The following IQSEC1 variants were observed in gnomAD, a reference collection of about 807,000 sequenced individuals.
IQSEC1 encodes the protein IQ motif and Sec7 domain ArfGEF 1.
IQSEC1 carries 31 observed loss-of-function variants against 91.0 expected under a neutral mutation model. The observed-to-expected ratio is 0.34, with a 90% CI of 0.26 to 0.46. IQSEC1 has a LOEUF of 0.46. Among genes scored for constraint, IQSEC1 ranks in the 20% least tolerant of loss-of-function variants. The pLI is 1.00. For missense variants in IQSEC1, 1,388 were observed against 1,575.6 expected (o/e 0.88, Z 2.02); for synonymous variants, 699 against 662.6 (o/e 1.05, Z -0.84).
At chr3:13,063,124 T>C (rs1705124926) in intron 1 of IQSEC1, among the ~76,000 whole-genome samples, 1 of 151,866 alleles carries the variant, frequency 6.6e-6, no homozygotes, top group Admixed American at 6.5e-5. Context: ...CTGGGCAGTC[T>C]AGTGGGCAAA....
rs79890597 is a variant in IQSEC1, at chr3:13,190,555, C to CA, written c.273-26423dup. Among the ~76,000 whole-genome samples, 628 of 142,662 alleles carry CA rather than the reference C, an allele frequency of 4.4e-3. 5 individuals are homozygous for CA. The highest frequency in any genetic ancestry group is 0.011 in the African/African-American group (428 of 37,820). The allele number at this position is 142,662 out of a possible 152,430, so 93.6% of individuals were successfully genotyped here. On this transcript the variant is annotated intron_variant, in intron 1 of 15. Transcript: ENST00000648114. ...TGGGTGACAGAGCAAGACCCTGTCT[C>CA]AAAAAAAAAAAACAGATAAAGTGTG...
chr3:13,075,932 G>A (rs896365874), upstream of IQSEC1, among the ~76,000 whole-genome samples: 2 of 152,190 alleles, frequency 1.3e-5, no homozygotes, highest in African/African-American at 2.4e-5. Flanking sequence ...CACCTGTGCA[G>A]GCTGAGCTTC....
intron 1 of IQSEC1, among the ~76,000 whole-genome samples, chr3:13,171,113 A>AC: frequency 7.9e-6 from 1 of 126,970 alleles, no homozygotes; most frequent in African/African-American, 3.6e-5. Context: ...AAAACAAAAA[A>AC]AACAAAAAAA....
intron 1 of IQSEC1, among the ~76,000 whole-genome samples, chr3:13,016,933 T>C (rs1042458708): frequency 6.6e-6 from 1 of 152,188 alleles, no homozygotes; most frequent in Non-Finnish European, 1.5e-5. Flanking sequence ...CCCGTCTCTA[T>C]AGATTTGCCT....
chr3:13,266,471 G>A (rs1553581478), intron 1 of IQSEC1, among the ~76,000 whole-genome samples: 1 of 152,208 alleles, frequency 6.6e-6, no homozygotes, highest in Non-Finnish European at 1.5e-5. Context: ...ACAGGCCCCT[G>A]AGGCCCAGAC....
rs558692111 is a variant in IQSEC1 at position 13,275,308 on chromosome 3, A to C, written c.272+7403T>G. On this transcript the variant is annotated intron_variant, in intron 1 of 15. Transcript: ENST00000648114. ...CTTTGTGGATCTCGCCTCATCCAAG[A>C]GGGAAAGCTGAACACTTCAAAATCA... is the stretch of plus-strand genomic sequence containing the variant. Among the ~76,000 whole-genome samples the C allele has an allele frequency of 2.0e-5, 3 of 152,200 alleles. No individual in the cohort carries two copies. The East Asian group carries it at 5.8e-4, about 29-fold the overall frequency.
At chr3:12,955,683 C>A (rs988752369) in intron 1 of IQSEC1, among the ~76,000 whole-genome samples, 4 of 152,246 alleles carry the variant, frequency 2.6e-5, no homozygotes, top group African/African-American at 9.6e-5. Flanking sequence ...GGACAGGCAG[C>A]CTTTAAAGAG....
At position 13,275,366 on chromosome 3, in the gene IQSEC1, G is replaced by A. The variant is rs147423446; in HGVS notation, c.272+7345C>T. On this transcript the variant is annotated intron_variant, in intron 1 of 15. Transcript: ENST00000648114. ...AGCTAGGCCCAGCTTGGAGGGCAGG[G>A]GCCAGTCTTGTCCACCAGCTCCCTA... 9.0e-3 allele frequency among the ~76,000 whole-genome samples: 1,376 copies of A among 152,218 alleles called. 8 individuals are homozygous for A. The highest frequency in any genetic ancestry group is 0.013 in the Non-Finnish European group (851 of 68,002).
intron 1 of IQSEC1, among the ~76,000 whole-genome samples, chr3:12,955,427 G>A (rs1310548818): frequency 6.6e-6 from 1 of 152,236 alleles, no homozygotes; most frequent in African/African-American, 2.4e-5. Context: ...TGGGCCGAGA[G>A]CCAGCTGGCA....
chr3:13,078,708 T>A (rs1705600789), intron 2 of IQSEC1, among the ~76,000 whole-genome samples: 2 of 152,122 alleles, frequency 1.3e-5, no homozygotes, highest in South Asian at 2.1e-4. Context: ...GCTGTTGCAG[T>A]TGTTTTAGAG....
Position 12,909,119 on chromosome 3 carries a change from C to T in IQSEC1, c.2578+154G>A, listed in dbSNP as rs1242768357. Among the ~76,000 whole-genome samples the T allele has an allele frequency of 6.6e-6, 1 of 152,166 alleles. No homozygotes were observed. Among genetic ancestry groups the T allele is most frequent in the Non-Finnish European group, 1.5e-5 (1 of 68,030 alleles). On this transcript the variant is annotated intron_variant, in intron 11 of 13. Transcript: ENST00000613206. This position sits in a 1 kb window ranked among gnomAD's most constrained non-coding sequence, Gnocchi z 4.9. ...CTCTGTGCCTCCTGCAGCCTGGGAA[C>T]ACAGACTGCCCCATCATGTGGCCAT...
chr3:13,188,208 T>C (rs1015702140), intron 1 of IQSEC1, among the ~76,000 whole-genome samples: 4 of 152,212 alleles, frequency 2.6e-5, no homozygotes, highest in African/African-American at 9.6e-5. Flanking sequence ...TCCTACCCCA[T>C]TCCTATTCTC....
At chr3:13,115,611 C>T (rs1003821206) in intron 2 of IQSEC1, among the ~76,000 whole-genome samples, 1 of 152,214 alleles carries the variant, frequency 6.6e-6, no homozygotes, top group African/African-American at 2.4e-5. Context: ...CAGAGTCACT[C>T]GAGAGGGGCA....
intron 1 of IQSEC1, among the ~76,000 whole-genome samples, chr3:13,067,341 C>T (rs1705269408): frequency 6.6e-6 from 1 of 152,218 alleles, no homozygotes; most frequent in Admixed American, 6.5e-5. Flanking sequence ...AGCAGCTTAG[C>T]CAGCACCCAG....
intron 1 of IQSEC1, among the ~76,000 whole-genome samples, chr3:13,199,400 G>A (rs1694195127): frequency 6.6e-6 from 1 of 152,208 alleles, no homozygotes; most frequent in Non-Finnish European, 1.5e-5. Flanking sequence ...GGCACCCCCT[G>A]GGACAGGGGC....
upstream of IQSEC1, among the ~76,000 whole-genome samples, chr3:13,078,294 G>A (rs1003083766): frequency 1.3e-5 from 2 of 152,146 alleles, no homozygotes; most frequent in African/African-American, 4.8e-5. Flanking sequence ...GATGCAGGGC[G>A]GTGTAATGTG....
chr3:13,148,054 C>T (rs1381740394), intron 2 of IQSEC1, among the ~76,000 whole-genome samples: 1 of 152,214 alleles, frequency 6.6e-6, no homozygotes, highest in Admixed American at 6.5e-5. Context: ...CTATTTTCTA[C>T]ACAGGTTGTA....
chr3:12,936,482 G>A lies in IQSEC1; in HGVS notation c.534C>T (p.Phe178=), dbSNP rs761549809. ...TAGTCACTGAGACCTGCTTCCCCTC[G>A]AAGTAGGAGCTGTGCACTTTCTCAG... is the stretch of plus-strand genomic sequence containing the variant. ...EGPEKVHSSY[F]EGKQVSVTND... Residue 178 remains phenylalanine (F), a synonymous_variant, in exon 3 of 14, where the codon TTC becomes TTT. Coordinates refer to ENST00000613206, the MANE Select transcript of IQSEC1 (RefSeq NM_001134382.3). 8.7e-6 allele frequency: 14 copies of A among 1,612,152 alleles called. No homozygotes were observed. The South Asian group carries it at 8.8e-5, about 10-fold the overall frequency.
In IQSEC1 at chr3:13,073,051, C is replaced by T; in HGVS notation, c.-37G>A. On this transcript the variant is annotated 5_prime_UTR_variant, in exon 1 of 14. Transcript: ENST00000613206. ...CCGTTCTTCCCTGTTCTGGCTCCCT[C>T]TCCAGCGGGGAGGCTCAACGTGTTT... is the stretch of plus-strand genomic sequence containing the variant. The T allele has an allele frequency of 6.4e-7, 1 of 1,551,662 alleles. No homozygotes were observed. Among genetic ancestry groups the T allele is most frequent in the Admixed American group, 2.0e-5 (1 of 51,006 alleles).
Sources: allele counts gnomAD v4.1 joint callset (sites outside exome capture counted in the v4.1 genomes callset), GRCh38; gene constraint gnomAD v4.1.1; non-coding constraint Gnocchi (gnomAD v3.1); transcripts MANE v1.5; gene names NCBI Gene and HGNC (gene_info 2026-07-23, HGNC 2026-07-21).